Variants in SORCS1 observed in about 807,000 individuals in gnomAD.
SORCS1 encodes VPS10 domain-containing receptor SorCS1.
In SORCS1, 60 loss-of-function variants were observed where a neutral mutation model predicts 146.1. The ratio of observed to expected loss-of-function variants is 0.41; its 90% CI spans 0.33 to 0.51. The LOEUF (loss-of-function observed/expected upper bound fraction) is 0.51, where lower values mean the gene tolerates loss of function less well. Ranked by LOEUF, SORCS1 falls within the 20% of genes least tolerant of loss-of-function variation. SORCS1 has a pLI of 0.21. For missense variants in SORCS1, 1,352 were observed against 1,487.6 expected, an observed-to-expected ratio of 0.91 and a Z score of 1.50; for synonymous variants, 637 against 584.0, an observed-to-expected ratio of 1.09 and a Z score of -1.31.
chr10:106,615,963 G>T (rs2133452739), intron 21 of SORCS1, among the ~76,000 whole-genome samples: 1 of 152,106 alleles, frequency 6.6e-6, no homozygotes, highest in East Asian at 1.9e-4. Flanking sequence ...CATAATTATA[G>T]AATATTTCTC....
At chr10:106,600,560 C>A in intron 23 of SORCS1, 1 of 985,268 alleles carries the variant, frequency 1.0e-6, no homozygotes, top group Middle Eastern at 5.2e-4. Context: ...AAGTGTTTAT[C>A]CTGTATTTTT....
chr10:107,018,723 A>G (rs1958004721), intron 1 of SORCS1, among the ~76,000 whole-genome samples: 1 of 152,148 alleles, frequency 6.6e-6, no homozygotes, highest in Non-Finnish European at 1.5e-5. Context: ...GCAGCAGGAC[A>G]AGATTTTCTG....
At chr10:106,910,539 G>T (rs1342526144) in intron 2 of SORCS1, among the ~76,000 whole-genome samples, 1 of 152,104 alleles carries the variant, frequency 6.6e-6, no homozygotes, top group African/African-American at 2.4e-5. Context: ...GAAATGTGTA[G>T]TATCCAGACA....
chr10:107,019,339 G>C (rs565050246), intron 1 of SORCS1, among the ~76,000 whole-genome samples: 6 of 152,172 alleles, frequency 3.9e-5, no homozygotes, highest in Non-Finnish European at 8.8e-5. Context: ...TAAAGGTTGA[G>C]TAGTGTCTGT....
At chr10:106,973,587 G>T (rs1194805954) in intron 1 of SORCS1, among the ~76,000 whole-genome samples, 1 of 152,138 alleles carries the variant, frequency 6.6e-6, no homozygotes, top group Non-Finnish European at 1.5e-5. Context: ...AGACAAGCAT[G>T]TCTGCTAGAA....
chr10:106,680,574 C>CT (rs1363322186), intron 10 of SORCS1, among the ~76,000 whole-genome samples: 6 of 152,144 alleles, frequency 3.9e-5, no homozygotes, highest in Admixed American at 3.9e-4. Flanking sequence ...ATGTAAGGGA[C>CT]TTGTTTGTGC....
intron 18 of SORCS1, among the ~76,000 whole-genome samples, chr10:106,638,433 A>T (rs1848859058): frequency 6.6e-6 from 1 of 152,188 alleles, no homozygotes; most frequent in African/African-American, 2.4e-5. Flanking sequence ...GAAAATACAG[A>T]AATACATAAA....
intron 22 of SORCS1, 82 bp downstream of exon 22, chr10:106,611,829 T>A (rs1287900287): frequency 8.9e-7 from 1 of 1,124,912 alleles, no homozygotes; most frequent in Non-Finnish European, 1.3e-6. Context: ...TTTGTTTTTG[T>A]ACAAAGCTCC....
intron 2 of SORCS1, among the ~76,000 whole-genome samples, chr10:106,844,307 T>C (rs1000050652): frequency 6.6e-6 from 1 of 152,162 alleles, no homozygotes; most frequent in Non-Finnish European, 1.5e-5. Flanking sequence ...ATGCAGAAAC[T>C]TTTTTGATTA....
At chr10:106,679,594 C>CTGTT (rs746747796) in intron 11 of SORCS1, 38 bp downstream of exon 11, 59 of 1,512,346 alleles carry the variant, frequency 3.9e-5, no homozygotes, top group Non-Finnish European at 4.9e-5. Context: ...AAAATAAACA[C>CTGTT]TATTTACCAC....
chr10:106,617,456 T>C (rs1471563410), intron 21 of SORCS1, among the ~76,000 whole-genome samples: 2 of 152,130 alleles, frequency 1.3e-5, no homozygotes, highest in Admixed American at 6.5e-5. Context: ...CATATGACTA[T>C]CTTTCTATGC....
At chr10:107,066,965 C>G (rs1046021789) in intron 1 of SORCS1, among the ~76,000 whole-genome samples, 4 of 152,188 alleles carry the variant, frequency 2.6e-5, no homozygotes, top group Non-Finnish European at 5.9e-5. Context: ...TTGTGTCAAT[C>G]ACAGCTCTTT....
At chr10:106,770,480 CA>C (rs61310332) in intron 4 of SORCS1, among the ~76,000 whole-genome samples, 35,383 of 126,112 alleles carry the variant, frequency 0.28, 4,875 homozygotes, top group African/African-American at 0.43. Flanking sequence ...CAAAAAATCG[CA>C]AAAAAAAAAA....
At chr10:107,163,239 G>C (rs922862092) in intron 1 of SORCS1, among the ~76,000 whole-genome samples, 14 of 152,298 alleles carry the variant, frequency 9.2e-5, no homozygotes, top group Non-Finnish European at 1.8e-4. Context: ...TCAGGCAATG[G>C]GGGAGAACAG....
intron 1 of SORCS1, among the ~76,000 whole-genome samples, chr10:107,133,284 C>T (rs906223392): frequency 4.6e-5 from 7 of 152,170 alleles, no homozygotes; most frequent in Admixed American, 3.9e-4. Context: ...CTCAGAAGAA[C>T]AGGATCCATG....
At chr10:106,720,975 G>A (rs1318012695) in intron 6 of SORCS1, among the ~76,000 whole-genome samples, 1 of 151,950 alleles carries the variant, frequency 6.6e-6, no homozygotes, top group Admixed American at 6.6e-5. Flanking sequence ...TGTTAGGGCT[G>A]TCTTCAGGCT....
At chr10:106,751,538 T>A (rs1471121198) in intron 5 of SORCS1, among the ~76,000 whole-genome samples, 1 of 152,156 alleles carries the variant, frequency 6.6e-6, no homozygotes, top group Non-Finnish European at 1.5e-5. Context: ...TTTGCTTGAA[T>A]TTCTCTGGTT....
At chr10:106,843,502 G>A (rs967391071) in intron 2 of SORCS1, among the ~76,000 whole-genome samples, 1 of 142,774 alleles carries the variant, frequency 7.0e-6, no homozygotes, top group Admixed American at 7.6e-5. Flanking sequence ...CGCGATCTCG[G>A]CTCACTGCAA....
chr10:106,940,275 A>G (rs1953968700), intron 2 of SORCS1, among the ~76,000 whole-genome samples: 3 of 152,252 alleles, frequency 2.0e-5, no homozygotes, highest in Non-Finnish European at 4.4e-5. Context: ...CATGCTTTAT[A>G]TGAATTAAAC....
Sources: gnomAD v4.1 joint callset for allele counts (sites outside exome capture counted in the v4.1 genomes callset) on GRCh38, gnomAD v4.1.1 for gene constraint, MANE v1.5 for transcripts, NCBI Gene and HGNC (gene_info 2026-07-23, HGNC 2026-07-21) for gene names.